HDAC4: variants seen among roughly 807,000 people sequenced by gnomAD.
HDAC4 encodes the protein histone deacetylase A.
Under a neutral mutation model 135.1 loss-of-function variants are expected in HDAC4, and 16 were observed. That is an observed-to-expected ratio of 0.12 (90% confidence interval 0.08 to 0.18). HDAC4 has a LOEUF of 0.18. HDAC4 is among the 10% of genes least tolerant of loss of function. The pLI, the probability that HDAC4 is intolerant of heterozygous loss-of-function variation, is 1.00. For synonymous variants in HDAC4, 685 were observed against 653.4 expected, an observed-to-expected ratio of 1.05 and a Z score of -0.74; for missense variants, 1,143 against 1,511.8, an observed-to-expected ratio of 0.76 and a Z score of 4.05.
At chr2:239,351,943 C>T (rs1254108559) in intron 2 of HDAC4, 1 of 152,460 alleles carries the variant, frequency 6.6e-6, no homozygotes, top group Non-Finnish European at 1.5e-5. Context: ...GCAGGAGCCC[C>T]ACACTCAGGC....
At chr2:239,395,198 G>C (rs1236737766) in intron 1 of HDAC4, among the ~76,000 whole-genome samples, 1 of 152,240 alleles carries the variant, frequency 6.6e-6, no homozygotes, top group Non-Finnish European at 1.5e-5. Flanking sequence ...CACAGCAAGT[G>C]CTATCAGATG....
At chr2:239,162,506 G>A in intron 6 of HDAC4, 1 of 366,394 alleles carries the variant, frequency 2.7e-6, no homozygotes, top group Non-Finnish European at 5.5e-6. Flanking sequence ...CAGTGGACTG[G>A]CTCTGGGGGC....
intron 2 of HDAC4, among the ~76,000 whole-genome samples, chr2:239,256,773 T>A (rs2049074208): frequency 2.0e-5 from 3 of 152,232 alleles, no homozygotes; most frequent in Non-Finnish European, 4.4e-5. Flanking sequence ...CACTGACTTG[T>A]CACCCTTCAG....
At chr2:239,174,797 A>G (rs1174199299) in intron 5 of HDAC4, among the ~76,000 whole-genome samples, 1 of 152,262 alleles carries the variant, frequency 6.6e-6, no homozygotes, top group Non-Finnish European at 1.5e-5. Context: ...GCAGCAATAT[A>G]TAATAGATAA....
intron 2 of HDAC4, among the ~76,000 whole-genome samples, chr2:239,312,129 T>C (rs557193263): frequency 4.5e-4 from 68 of 152,272 alleles, no homozygotes; most frequent in African/African-American, 1.6e-3. Flanking sequence ...CACAAAACAC[T>C]GGCCACCAAG....
chr2:239,063,796 C>T lies in HDAC4; in HGVS notation c.3003+2926G>A, dbSNP rs1262456577. Among the ~76,000 whole-genome samples, 4 of 152,244 alleles carry T rather than the reference C, an allele frequency of 2.6e-5. No individual in the cohort carries two copies. The East Asian group carries it at 7.7e-4, about 29-fold the overall frequency. ...CCTTGGCGTCCTCTACTTCTTCAAG[C>T]CACCGAACCTCCCTCCTGTCTGGGA... On this transcript the variant is annotated intron_variant, in intron 24 of 26. Coordinates refer to ENST00000543185, the MANE Select transcript of HDAC4 (RefSeq NM_001378414.1).
At chr2:239,070,972 C>T (rs1273051135) in intron 22 of HDAC4, among the ~76,000 whole-genome samples, 5 of 149,724 alleles carry the variant, frequency 3.3e-5, no homozygotes, top group African/African-American at 1.2e-4. Context: ...AATAAGTGCC[C>T]TTTACAGGTT....
intron 2 of HDAC4, among the ~76,000 whole-genome samples, chr2:239,257,722 G>GTCTACTAAT (rs1377901242): frequency 4.6e-5 from 7 of 152,046 alleles, no homozygotes; most frequent in Non-Finnish European, 7.4e-5. Context: ...ACAAACTTCA[G>GTCTACTAAT]TCTACTAATG....
At chr2:239,094,828 C>T (rs1238838392) in intron 17 of HDAC4, 182 bp downstream of exon 17, 21 of 1,486,064 alleles carry the variant, frequency 1.4e-5, no homozygotes, top group East Asian at 1.3e-4. Context: ...GAAAGGTGCC[C>T]GAGTCGGCGA....
intron 2 of HDAC4, among the ~76,000 whole-genome samples, chr2:239,318,196 T>A (rs545716682): frequency 2.6e-5 from 4 of 152,286 alleles, no homozygotes; most frequent in Admixed American, 1.3e-4. Flanking sequence ...GGAAACAATG[T>A]AACTTCACAG....
chr2:239,149,901 TCATTTGCTC>T (rs1056841950), intron 7 of HDAC4, among the ~76,000 whole-genome samples: 7 of 152,130 alleles, frequency 4.6e-5, no homozygotes, highest in African/African-American at 1.7e-4. Flanking sequence ...GGAGGGGGTA[TCATTTGCTC>T]AATGTTTTGG....
intron 2 of HDAC4, among the ~76,000 whole-genome samples, chr2:239,254,336 C>T (rs1219128113): frequency 2.0e-5 from 3 of 151,010 alleles, no homozygotes; most frequent in Non-Finnish European, 2.9e-5. Context: ...ATGTGGGAAT[C>T]GGCAAGAACA....
At chr2:239,222,843 C>G (rs1430821788) in intron 3 of HDAC4, among the ~76,000 whole-genome samples, 2 of 152,212 alleles carry the variant, frequency 1.3e-5, no homozygotes, top group African/African-American at 2.4e-5. Flanking sequence ...CAGCGGGGAC[C>G]TGGGTATCAC....
Position 239,102,849 on chromosome 2 carries a change from G to A in HDAC4, c.2160C>T (p.His720=), listed in dbSNP as rs757222358. ...KATLEELQTV[H]SEAHTLLYGT... ...CATACAGGAGGGTGTGGGCTTCCGA[G>A]TGCACCGTCTGTAGCTCCTCCAGGG... The change falls in exon 16 of 27, where the codon CAC becomes CAT. Residue 720 remains histidine (H), a synonymous_variant. Coordinates refer to ENST00000543185, the MANE Select transcript of HDAC4 (RefSeq NM_001378414.1). 4 of 1,613,984 alleles carry A rather than the reference G, an allele frequency of 2.5e-6. No homozygotes were observed. The highest frequency in any genetic ancestry group is 1.1e-5 in the South Asian group (1 of 91,074).
chr2:239,351,480 AGGAG>A (rs1269931962), intron 2 of HDAC4, among the ~76,000 whole-genome samples: 1 of 152,242 alleles, frequency 6.6e-6, no homozygotes, highest in African/African-American at 2.4e-5. Context: ...AGCCCAGTGT[AGGAG>A]GGAGAGAGCC....
intron 2 of HDAC4, among the ~76,000 whole-genome samples, chr2:239,260,864 C>G (rs939860374): frequency 6.6e-6 from 1 of 152,172 alleles, no homozygotes; most frequent in African/African-American, 2.4e-5. Flanking sequence ...GGGACTCACA[C>G]CTTGAACCTG....
chr2:239,216,263 G>A (rs867675713), intron 3 of HDAC4, among the ~76,000 whole-genome samples: 20 of 151,718 alleles, frequency 1.3e-4, no homozygotes, highest in Middle Eastern at 6.3e-3. Context: ...GTATTTATGC[G>A]GAAGATTCCA....
chr2:239,248,782 TG>T (rs1489991138), intron 2 of HDAC4, among the ~76,000 whole-genome samples: 1 of 152,160 alleles, frequency 6.6e-6, no homozygotes, highest in Non-Finnish European at 1.5e-5. Flanking sequence ...TGATCAAGGT[TG>T]GGACCAACTT....
chr2:239,059,475 C>T (rs1574855507), intron 24 of HDAC4, among the ~76,000 whole-genome samples: 1 of 152,016 alleles, frequency 6.6e-6, no homozygotes, highest in South Asian at 2.1e-4. Context: ...AAGGGGGCCC[C>T]GGCTACAGGC....
Sources: gnomAD v4.1 joint callset for allele counts (sites outside exome capture counted in the v4.1 genomes callset) on GRCh38, gnomAD v4.1.1 for gene constraint, MANE v1.5 for transcripts, NCBI Gene and HGNC (gene_info 2026-07-23, HGNC 2026-07-21) for gene names.